Variants in ZFAND3 observed in about 807,000 individuals in gnomAD.
ZFAND3 encodes AN1-type zinc finger protein 3.
In ZFAND3, 10 loss-of-function variants were observed where a neutral mutation model predicts 29.6. That is an observed-to-expected ratio of 0.34 (90% CI 0.21 to 0.57). The LOEUF is 0.57. Ranked by LOEUF, ZFAND3 falls within the 20% of genes least tolerant of loss-of-function variation. The pLI is 0.86. For synonymous variants in ZFAND3, 128 were observed against 112.6 expected (o/e 1.14, Z -0.87); for missense variants, 230 against 304.5 (o/e 0.76, Z 1.82).
At chr6:37,916,491 C>G (rs933590915) in intron 1 of ZFAND3, among the ~76,000 whole-genome samples, 11 of 136,514 alleles carry the variant, frequency 8.1e-5, no homozygotes, top group Admixed American at 7.2e-5. Context: ...AACGCTGTCT[C>G]TACTAAAAAT....
At chr6:38,123,582 T>C (rs1327861235) in intron 5 of ZFAND3, among the ~76,000 whole-genome samples, 1 of 152,196 alleles carries the variant, frequency 6.6e-6, no homozygotes, top group Non-Finnish European at 1.5e-5. Context: ...ATGTTATCAT[T>C]ATTGCCATTG....
At chr6:37,980,901 G>T (rs1328826030) in intron 2 of ZFAND3, among the ~76,000 whole-genome samples, 1 of 152,140 alleles carries the variant, frequency 6.6e-6, no homozygotes, top group South Asian at 2.1e-4. Context: ...AAAATTAATT[G>T]TAGGGTAAGC....
chr6:38,031,874 C>T (rs963033878), intron 2 of ZFAND3, among the ~76,000 whole-genome samples: 1 of 141,876 alleles, frequency 7.0e-6, no homozygotes, highest in Admixed American at 7.0e-5. Flanking sequence ...TGCTGTATCA[C>T]CCAGGTCCTT....
At chr6:37,965,178 A>G (rs1231638611) in intron 2 of ZFAND3, among the ~76,000 whole-genome samples, 1 of 152,222 alleles carries the variant, frequency 6.6e-6, no homozygotes, top group Non-Finnish European at 1.5e-5. Flanking sequence ...TATTATATTC[A>G]GCAAACTTAT....
chr6:38,126,314 C>T (rs576474850), intron 5 of ZFAND3, among the ~76,000 whole-genome samples: 22 of 152,164 alleles, frequency 1.4e-4, no homozygotes, highest in Admixed American at 3.9e-4. Flanking sequence ...AGTCGACATA[C>T]ACTTGGGTTA....
At chr6:38,128,044 C>T (rs1487970598) in intron 5 of ZFAND3, among the ~76,000 whole-genome samples, 1 of 152,216 alleles carries the variant, frequency 6.6e-6, no homozygotes, top group Non-Finnish European at 1.5e-5. Flanking sequence ...AAACCTTGCC[C>T]AGGACTTGGG....
chr6:38,151,237 C>T (rs951362707), intron 5 of ZFAND3, among the ~76,000 whole-genome samples: 2 of 152,190 alleles, frequency 1.3e-5, no homozygotes, highest in Non-Finnish European at 2.9e-5. Flanking sequence ...GTGACTTTAC[C>T]TGTACCGGCT....
At chr6:38,052,965 C>T (rs1271085393) in intron 2 of ZFAND3, among the ~76,000 whole-genome samples, 2 of 148,516 alleles carry the variant, frequency 1.3e-5, no homozygotes, top group Non-Finnish European at 3.0e-5. Context: ...ACCCGGGAGG[C>T]GGAGGTTGCA....
chr6:38,111,857 T>G (rs951038210), intron 4 of ZFAND3, among the ~76,000 whole-genome samples: 16 of 152,222 alleles, frequency 1.1e-4, no homozygotes, highest in African/African-American at 3.9e-4. Flanking sequence ...TGTTCAAGGG[T>G]CAGCTGTATA....
At chr6:38,007,536 C>T (rs537184890) in intron 2 of ZFAND3, among the ~76,000 whole-genome samples, 2 of 151,962 alleles carry the variant, frequency 1.3e-5, no homozygotes, top group Non-Finnish European at 2.9e-5. Context: ...CAGAGTGAGA[C>T]CCTGTTTCAA....
chr6:37,891,904 ATT>A (rs1421997305), intron 1 of ZFAND3, among the ~76,000 whole-genome samples: 4 of 151,710 alleles, frequency 2.6e-5, no homozygotes, highest in African/African-American at 9.7e-5. Flanking sequence ...AATTTTTTGT[ATT>A]TTAGTAGAGA....
intron 1 of ZFAND3, among the ~76,000 whole-genome samples, chr6:37,906,954 T>C (rs1765419519): frequency 6.6e-6 from 1 of 152,278 alleles, no homozygotes; most frequent in South Asian, 2.1e-4. Flanking sequence ...TTTGGAAATA[T>C]ATACTTGGTA....
At chr6:38,077,647 T>A (rs1306292634) in intron 3 of ZFAND3, among the ~76,000 whole-genome samples, 1 of 152,200 alleles carries the variant, frequency 6.6e-6, no homozygotes, top group Non-Finnish European at 1.5e-5. Context: ...TAGCACATGA[T>A]TAACTGCAGC....
In ZFAND3 at chr6:38,154,383, G is replaced by GGT; in HGVS notation, c.*1995_*1996insTG. On this transcript the variant is annotated 3_prime_UTR_variant, in exon 6 of 6. Transcript: ENST00000287218. ...TTCCTGACTTAGAGCTGGGGGGGGT[G>GGT]GGGGGTGGGGCTTGTTCCCCTGCAG... is the stretch of plus-strand genomic sequence containing the variant. 1.7e-6 allele frequency: 1 copy of GGT among 597,320 alleles called. No homozygotes were observed. The allele number at this position is 597,320 out of a possible 1,614,324, so 37.0% of individuals were successfully genotyped here.
At chr6:38,052,758 G>A (rs1156641047) in intron 2 of ZFAND3, among the ~76,000 whole-genome samples, 1 of 152,156 alleles carries the variant, frequency 6.6e-6, no homozygotes, top group Non-Finnish European at 1.5e-5. Context: ...GTTGACCGCC[G>A]GGCGTGGTGG....
chr6:38,019,526 A>C (rs1372183745), intron 2 of ZFAND3, among the ~76,000 whole-genome samples: 1 of 151,898 alleles, frequency 6.6e-6, no homozygotes, highest in African/African-American at 2.4e-5. Context: ...TGAAATACAG[A>C]AAGTTTTTAT....
chr6:38,118,445 T>C (rs952489039), intron 5 of ZFAND3, among the ~76,000 whole-genome samples: 5 of 152,274 alleles, frequency 3.3e-5, no homozygotes, highest in Middle Eastern at 3.4e-3. Context: ...TAGCTGTTGC[T>C]TTTGTAACGT....
At chr6:37,902,470 G>A (rs1765335612) in intron 1 of ZFAND3, among the ~76,000 whole-genome samples, 1 of 151,878 alleles carries the variant, frequency 6.6e-6, no homozygotes, top group Non-Finnish European at 1.5e-5. Flanking sequence ...AGCCTGAGTG[G>A]CAGAGTGAGA....
At chr6:37,986,097 T>C (rs1762666884) in intron 2 of ZFAND3, among the ~76,000 whole-genome samples, 1 of 152,192 alleles carries the variant, frequency 6.6e-6, no homozygotes, top group African/African-American at 2.4e-5. Flanking sequence ...GTTTTCAAAG[T>C]AGGGGAGATG....
Sources: gnomAD v4.1 joint callset for allele counts (sites outside exome capture counted in the v4.1 genomes callset) on GRCh38, gnomAD v4.1.1 for gene constraint, MANE v1.5 for transcripts, NCBI Gene and HGNC (gene_info 2026-07-23, HGNC 2026-07-21) for gene names.